Variants in TRPV5 observed in about 807,000 individuals in gnomAD.
TRPV5 encodes transient receptor potential cation channel subfamily V member 5, also known as calcium transport protein 2.
TRPV5 carries 66 observed loss-of-function variants against 74.1 expected under a neutral mutation model. That is an observed-to-expected ratio of 0.89 (90% CI 0.73 to 1.09). The LOEUF (loss-of-function observed/expected upper bound fraction) is 1.09. Ranked by LOEUF, TRPV5 falls within the 50% of genes least tolerant of loss-of-function variation. The pLI is 0.00. For synonymous variants in TRPV5, 399 were observed against 360.7 expected (o/e 1.11, Z -1.20); for missense variants, 936 against 930.4 (o/e 1.01, Z -0.08).
At chr7:142,909,676 G>A in intron 13 of TRPV5, 80 bp from the exon 14 acceptor site, 2 of 1,459,430 alleles carry the variant, frequency 1.4e-6, no homozygotes, top group South Asian at 1.2e-5. Context: ...CTGATAAAGG[G>A]AACCAAAGGC....
intron 8 of TRPV5, among the ~76,000 whole-genome samples, chr7:142,918,458 G>A (rs1156607456): frequency 3.3e-5 from 5 of 152,154 alleles, no homozygotes; most frequent in East Asian, 3.9e-4. Flanking sequence ...ATCTATTTCC[G>A]CTCATTCAAC....
intron 1 of TRPV5, among the ~76,000 whole-genome samples, chr7:142,930,836 G>T (rs1196630825): frequency 6.6e-6 from 1 of 152,120 alleles, no homozygotes; most frequent in Admixed American, 6.6e-5. Flanking sequence ...GGGACAGAGG[G>T]CACTTCCATC....
chr7:142,913,623 G>A (rs773915850), intron 12 of TRPV5, among the ~76,000 whole-genome samples: 5 of 152,178 alleles, frequency 3.3e-5, no homozygotes, highest in East Asian at 1.9e-4. Flanking sequence ...CAGGCAGAAC[G>A]CCATGGTTTT....
chr7:142,908,847 G>A (rs1358632141), intron 14 of TRPV5, 39 bp from the exon 15 acceptor site: 5 of 1,585,234 alleles, frequency 3.2e-6, no homozygotes, highest in African/African-American at 2.7e-5. Flanking sequence ...ATCCAGGTGG[G>A]GAGACATGGG....
chr7:142,925,334 C>T, intron 8 of TRPV5, 195 bp downstream of exon 8: 2 of 612,220 alleles, frequency 3.3e-6, no homozygotes, highest in Non-Finnish European at 5.8e-6. Flanking sequence ...CCACAGCTCC[C>T]TGGACAAATG....
intron 12 of TRPV5, among the ~76,000 whole-genome samples, chr7:142,913,964 GT>G (rs1237738218): frequency 6.6e-6 from 1 of 151,972 alleles, no homozygotes; most frequent in Admixed American, 6.6e-5. Flanking sequence ...CCCTCTGGCT[GT>G]TTCCACCTGC....
Position 142,915,003 on chromosome 7 carries a change from G to A in TRPV5, c.1330C>T (p.Leu444Phe). 1.2e-6 allele frequency: 2 copies of A among 1,614,154 alleles called. No homozygotes were observed. The highest frequency in any genetic ancestry group is 2.2e-5 in the South Asian group (2 of 91,082). The change falls in exon 11 of 15, where the codon CTC (leucine) becomes TTC (phenylalanine). Residue 444 changes from leucine to phenylalanine, a missense_variant. Transcript: ENST00000265310. Reference protein sequence around the residue: ...SLVLVTMVMRLTNTNGEVVPM... With the variant: ...SLVLVTMVMRFTNTNGEVVPM... ...ACCACCTCCCCATTGGTGTTGGTGA[G>A]CCGCATCACCATGGTCACCAGCACC...
At chr7:142,931,094 C>T (rs918256124) in intron 1 of TRPV5, among the ~76,000 whole-genome samples, 1 of 138,634 alleles carries the variant, frequency 7.2e-6, no homozygotes, top group Non-Finnish European at 1.5e-5. Context: ...ACAATCTCAG[C>T]TTACCGCAGC....
At chr7:142,908,863 G>A (rs1795660501) in intron 14 of TRPV5, 55 bp from the exon 15 acceptor site, 2 of 1,555,148 alleles carry the variant, frequency 1.3e-6, no homozygotes, top group Admixed American at 1.7e-5. Context: ...ATGGGCAGGG[G>A]AGAAGTAGAG....
At chr7:142,924,058 T>G (rs1315766131) in intron 8 of TRPV5, among the ~76,000 whole-genome samples, 1 of 151,836 alleles carries the variant, frequency 6.6e-6, no homozygotes, top group Non-Finnish European at 1.5e-5. Flanking sequence ...CTAACTGTCC[T>G]TATTTTCCTC....
chr7:142,929,104 G>A lies in TRPV5; in HGVS notation c.504C>T (p.Ser168=). 1 of 1,614,078 alleles carries A rather than the reference G, an allele frequency of 6.2e-7. No homozygotes were observed. Among genetic ancestry groups the A allele is most frequent in the Non-Finnish European group, 8.5e-7 (1 of 1,180,004 alleles). The change falls in exon 5 of 15, where the codon TCC becomes TCT. Residue 168 remains serine (S), a synonymous_variant. Coordinates refer to ENST00000265310, the MANE Select transcript of TRPV5 (RefSeq NM_019841.7). ...NLIYFGEHPL[S]FAACVNSEEI... ...CCTCGCTGTTCACACAGGCAGCAAAGGACAAAGGGTGCTCCCCTGTGGACA... is the reference window on the plus strand; with the variant it reads ...CCTCGCTGTTCACACAGGCAGCAAAAGACAAAGGGTGCTCCCCTGTGGACA...
rs1440143515 is a variant in TRPV5 at position 142,914,645 on chromosome 7, G to C, written c.1514C>G (p.Ala505Gly). The C allele has an allele frequency of 6.2e-7, 1 of 1,613,154 alleles. No individual in the cohort carries two copies. Among genetic ancestry groups the C allele is most frequent in the Admixed American group, 1.7e-5 (1 of 59,882 alleles). Residue 505 changes from alanine to glycine, a missense_variant, in exon 12 of 15, where the codon GCC becomes GGC. Physicochemically the swap from Ala to Gly is moderately conservative, Grantham distance 60. Transcript: ENST00000265310. ...AGGAGTGTATGGTGCCTTACCGGAG[G>C]CAAATCCCAAGATGACCACAGCCAT... ...WLMAVVILGF[A>G]SAFYIIFQTE...
chr7:142,912,665 C>T lies in TRPV5; in HGVS notation c.1605G>A (p.Glu535=), dbSNP rs957062793. 2 of 1,614,218 alleles carry T rather than the reference C, an allele frequency of 1.2e-6. No individual in the cohort carries two copies. Among genetic ancestry groups the T allele is most frequent in the African/African-American group, 1.3e-5 (1 of 75,042 alleles). The change falls in exon 13 of 15, where the codon GAG becomes GAA. Residue 535 remains glutamate (E), a synonymous_variant. Coordinates refer to ENST00000265310, the MANE Select transcript of TRPV5 (RefSeq NM_019841.7). ...GTGCATCAATAACAGTGAGAAAAAGCTCAAAGGTGGTGAACAGTGCCATGG... is the reference window on the plus strand; with the variant it reads ...GTGCATCAATAACAGTGAGAAAAAGTTCAAAGGTGGTGAACAGTGCCATGG... The part of the protein sequence containing the change: ...DYPMALFTTF[E]LFLTVIDAPA...
In TRPV5 at chr7:142,928,077, G is replaced by T; in HGVS notation, c.909+11C>A. The T allele has an allele frequency of 6.2e-7, 1 of 1,614,096 alleles. No homozygotes were observed. Among genetic ancestry groups the T allele is most frequent in the Non-Finnish European group, 8.5e-7 (1 of 1,180,016 alleles). On this transcript the variant is annotated intron_variant, in intron 7 of 14. Coordinates refer to ENST00000265310, the MANE Select transcript of TRPV5 (RefSeq NM_019841.7). Reference sequence around the variant, plus strand: ...TCACATGACAGGCCTGATCCTCCTTGGCATCCATACCTCTCGTTTATCAGA... The same window carrying T: ...TCACATGACAGGCCTGATCCTCCTTTGCATCCATACCTCTCGTTTATCAGA...
chr7:142,921,436 C>T (rs1795884462), intron 8 of TRPV5, among the ~76,000 whole-genome samples: 1 of 152,140 alleles, frequency 6.6e-6, no homozygotes, highest in Non-Finnish European at 1.5e-5. Flanking sequence ...TGCTCACCAC[C>T]ATGCCTGGCT....
chr7:142,915,967 G>A (rs937590942), intron 8 of TRPV5, among the ~76,000 whole-genome samples: 2 of 152,184 alleles, frequency 1.3e-5, no homozygotes, highest in Non-Finnish European at 2.9e-5. Context: ...CCTCATCATG[G>A]CTTCTAGTGG....
intron 8 of TRPV5, among the ~76,000 whole-genome samples, chr7:142,922,141 G>A (rs1181733901): frequency 6.6e-6 from 1 of 152,182 alleles, no homozygotes; most frequent in Non-Finnish European, 1.5e-5. Flanking sequence ...ATACAAACCA[G>A]TCTGTAGACT....
chr7:142,914,958 C>T lies in TRPV5; in HGVS notation c.1375G>A (p.Val459Met). The change falls in exon 11 of 15, where the codon GTG becomes ATG. Residue 459 changes from valine to methionine, a missense_variant. By Grantham distance (21) the Val-to-Met change is conservative. Transcript: ENST00000265310. The stretch of plus-strand genomic sequence containing the variant: ...TACATGACACTGCACCAGCCCAGCA[C>T]CAGGGCAAAGGACATGGGCACCACC... Reference protein sequence around the residue: ...GEVVPMSFALVLGWCSVMYFT... With the variant: ...GEVVPMSFALMLGWCSVMYFT... 1 of 1,614,114 alleles carries T rather than the reference C, an allele frequency of 6.2e-7. No individual in the cohort carries two copies. Among genetic ancestry groups the T allele is most frequent in the East Asian group, 2.2e-5 (1 of 44,872 alleles).
chr7:142,911,532 C>T (rs4252501), intron 13 of TRPV5, among the ~76,000 whole-genome samples: 30 of 152,280 alleles, frequency 2.0e-4, no homozygotes, highest in African/African-American at 7.2e-4. Context: ...CTTCCCAGTC[C>T]GATTCCTCTG....
Sources: gnomAD v4.1 joint callset for allele counts (sites outside exome capture counted in the v4.1 genomes callset) on GRCh38, gnomAD v4.1.1 for gene constraint, MANE v1.5 for transcripts, NCBI Gene and HGNC (gene_info 2026-07-23, HGNC 2026-07-21) for gene names.